The following UBE2K variants were observed in gnomAD, a reference collection of about 807,000 sequenced individuals.
UBE2K encodes the protein ubiquitin-conjugating enzyme E2 K.
In UBE2K, 6 loss-of-function variants were observed where a neutral mutation model predicts 30.0. The ratio of observed to expected loss-of-function variants is 0.20; its 90% CI spans 0.11 to 0.39. UBE2K has a LOEUF of 0.39. Ranked by LOEUF, UBE2K falls within the 10% of genes least tolerant of loss-of-function variation. UBE2K has a pLI of 1.00. For missense variants in UBE2K, 61 were observed against 241.6 expected (o/e 0.25, Z 4.96); for synonymous variants, 86 against 83.7 (o/e 1.03, Z -0.15).
chr4:39,771,451 G>T (rs1712827433), intron 4 of UBE2K: 2 of 1,580,158 alleles, frequency 1.3e-6, no homozygotes, highest in Admixed American at 3.6e-5. Context: ...GCGGGGGTGG[G>T]CAACCCTGGC....
At chr4:39,714,544 A>ATTTT (rs1337587267) in intron 1 of UBE2K, 20 of 21,086 alleles carry the variant, frequency 9.5e-4, no homozygotes, top group African/African-American at 6.0e-3. Context: ...ATATATATAT[A>ATTTT]TATATATTTT....
intron 2 of UBE2K, among the ~76,000 whole-genome samples, chr4:39,739,385 C>T (rs1387408649): frequency 6.6e-6 from 1 of 150,740 alleles, no homozygotes; most frequent in African/African-American, 2.4e-5. Flanking sequence ...TGTTTTTAAT[C>T]CAGATTTTTT....
intron 1 of UBE2K, among the ~76,000 whole-genome samples, chr4:39,706,773 C>T (rs1418676488): frequency 6.6e-6 from 1 of 152,008 alleles, no homozygotes; most frequent in African/African-American, 2.4e-5. Context: ...ACATTATTAA[C>T]AGTTACCGAA....
At chr4:39,734,054 T>C (rs1414213258) in intron 1 of UBE2K, among the ~76,000 whole-genome samples, 1 of 152,188 alleles carries the variant, frequency 6.6e-6, no homozygotes, top group African/African-American at 2.4e-5. Flanking sequence ...CTTTGTTTTC[T>C]TTTTATCTTT....
chr4:39,765,335 G>A (rs893189827), intron 4 of UBE2K, among the ~76,000 whole-genome samples: 1 of 151,592 alleles, frequency 6.6e-6, no homozygotes, highest in Non-Finnish European at 1.5e-5. Context: ...ACCAGCCTGG[G>A]CAACATGGTG....
chr4:39,714,632 C>G (rs1303901780), intron 1 of UBE2K, among the ~76,000 whole-genome samples: 2 of 144,606 alleles, frequency 1.4e-5, no homozygotes, highest in African/African-American at 5.2e-5. Flanking sequence ...CTGCAGCCTC[C>G]GACTCCCTGG....
In UBE2K at chr4:39,698,280, C is replaced by G. The variant is rs773858896; in HGVS notation, c.-48C>G. ...AAGAGGTGGCGGCGGTGGCGGTGGTCGTAGCGGTGGCGGAGGAGGCGGGTA... is the reference window on the plus strand; with the variant it reads ...AAGAGGTGGCGGCGGTGGCGGTGGTGGTAGCGGTGGCGGAGGAGGCGGGTA... On this transcript the variant is annotated 5_prime_UTR_variant, in exon 1 of 7. Coordinates refer to ENST00000261427, the MANE Select transcript of UBE2K (RefSeq NM_005339.5). The G allele has an allele frequency of 6.3e-7, 1 of 1,578,966 alleles. No individual in the cohort carries two copies. Among genetic ancestry groups the G allele is most frequent in the Admixed American group, 1.8e-5 (1 of 56,410 alleles).
chr4:39,772,875 A>G (rs1305849175), intron 4 of UBE2K, among the ~76,000 whole-genome samples: 1 of 151,274 alleles, frequency 6.6e-6, no homozygotes, highest in Non-Finnish European at 1.5e-5. Context: ...TTTTGTAGAG[A>G]TGAGGTTTCA....
chr4:39,718,912 G>A (rs534960654), intron 1 of UBE2K, among the ~76,000 whole-genome samples: 1 of 152,270 alleles, frequency 6.6e-6, no homozygotes, highest in Non-Finnish European at 1.5e-5. Context: ...GGCTGAGGGA[G>A]CTGGCTCCGG....
At chr4:39,706,790 G>C (rs1335526374) in intron 1 of UBE2K, among the ~76,000 whole-genome samples, 1 of 151,946 alleles carries the variant, frequency 6.6e-6, no homozygotes, top group African/African-American at 2.4e-5. Flanking sequence ...CGAACATGTT[G>C]ACCACAGCCC....
Position 39,779,042 on chromosome 4 carries a change from A to ACCCCCC in UBE2K, c.*611_*616dup, listed in dbSNP as rs3839130. The ACCCCCC allele has an allele frequency of 8.6e-5, 11 of 128,216 alleles. No individual in the cohort carries two copies. The highest frequency in any genetic ancestry group is 2.2e-4 in the East Asian group (1 of 4,468). 7.9% of individuals were successfully genotyped at this position (128,216 alleles called of 1,614,324 possible). On this transcript the variant is annotated 3_prime_UTR_variant, in exon 7 of 7. Coordinates refer to ENST00000261427, the MANE Select transcript of UBE2K (RefSeq NM_005339.5). The stretch of plus-strand genomic sequence containing the variant: ...TGGGACAGTGTCTGATTCCCCCTTC[A>ACCCCCC]CCCCCCCCACCCCCGCCTTGCCACA...
intron 1 of UBE2K, 94 bp downstream of exon 1, chr4:39,698,484 G>C: frequency 1.6e-6 from 2 of 1,225,660 alleles, no homozygotes; most frequent in South Asian, 2.6e-5. Context: ...TCCCTGGGTG[G>C]TCCTCCTTGC....
chr4:39,728,470 T>G (rs879021425), intron 1 of UBE2K, among the ~76,000 whole-genome samples: 1 of 152,174 alleles, frequency 6.6e-6, no homozygotes, highest in African/African-American at 2.4e-5. Context: ...AGCGATGTAT[T>G]AGGTATTATT....
intron 1 of UBE2K, among the ~76,000 whole-genome samples, chr4:39,723,655 A>C (rs983572096): frequency 2.0e-5 from 3 of 152,190 alleles, no homozygotes; most frequent in African/African-American, 7.2e-5. Flanking sequence ...GGCGTGAGCC[A>C]CTGCACGTGG....
At chr4:39,740,467 C>T (rs916841687) in intron 2 of UBE2K, among the ~76,000 whole-genome samples, 14 of 147,326 alleles carry the variant, frequency 9.5e-5, no homozygotes, top group East Asian at 4.0e-4. Context: ...GCGTGAACCC[C>T]GGGAGGCGGA....
chr4:39,765,908 TATAC>T (rs146565301), intron 4 of UBE2K, among the ~76,000 whole-genome samples: 7,466 of 149,712 alleles, frequency 0.05, 236 homozygotes, highest in African/African-American at 0.072. Flanking sequence ...AGGATATATA[TATAC>T]ATACATACAT....
intron 1 of UBE2K, among the ~76,000 whole-genome samples, chr4:39,707,420 G>A (rs1268901535): frequency 1.3e-5 from 2 of 151,338 alleles, no homozygotes; most frequent in Non-Finnish European, 3.0e-5. Context: ...GGCTGGTCTC[G>A]AACTTCAGAC....
chr4:39,734,105 A>ATT (rs11417002), intron 1 of UBE2K, among the ~76,000 whole-genome samples: 2,636 of 136,242 alleles, frequency 0.019, 60 homozygotes, highest in Admixed American at 0.067. Flanking sequence ...GCCCTCTAGA[A>ATT]TTTTTTTTTT....
At position 39,762,213 on chromosome 4, in the gene UBE2K, C is replaced by A. The variant is rs1001866006; in HGVS notation, c.299+6474C>A. 6.7e-4 allele frequency among the ~76,000 whole-genome samples: 81 copies of A among 120,686 alleles called. 1 individual carries two copies. Among genetic ancestry groups the A allele is most frequent in the Admixed American group, 3.6e-3 (42 of 11,728 alleles). 79.2% of individuals were successfully genotyped at this position (120,686 alleles called of 152,430 possible). A position where few individuals can be genotyped will look rare whatever the true frequency, so the allele number is the denominator to read the frequency against. ...AATAATAATAATAATAATAATAAAT[C>A]TTGAAATTTATTTTATTTATTTACT... On this transcript the variant is annotated intron_variant, in intron 4 of 6. Transcript: ENST00000261427.
Sources: gnomAD v4.1 joint callset for allele counts (sites outside exome capture counted in the v4.1 genomes callset) on GRCh38, gnomAD v4.1.1 for gene constraint, MANE v1.5 for transcripts, NCBI Gene and HGNC (gene_info 2026-07-23, HGNC 2026-07-21) for gene names.